The following HIVEP1 variants were observed in gnomAD, a reference collection of about 807,000 sequenced individuals.
HIVEP1 encodes the protein HIVEP zinc finger 1.
Under a neutral mutation model 180.0 loss-of-function variants are expected in HIVEP1, and 36 were observed. The observed-to-expected ratio is 0.20, with a 90% CI of 0.15 to 0.26. The LOEUF is 0.26. Ranked by LOEUF, HIVEP1 falls within the 10% of genes least tolerant of loss-of-function variation. The probability of loss-of-function intolerance (pLI) is 1.00; values close to 1 mark genes in which losing one functional copy is unlikely to be tolerated. For missense variants in HIVEP1, 3,143 were observed against 3,268.7 expected (o/e 0.96, Z 0.94); for synonymous variants, 1,239 against 1,239.0 (o/e 1.00, Z 0.00).
intron 7 of HIVEP1, among the ~76,000 whole-genome samples, chr6:12,160,482 G>A (rs1358223112): frequency 6.6e-6 from 1 of 152,176 alleles, no homozygotes; most frequent in Non-Finnish European, 1.5e-5. Flanking sequence ...TCAACCAAAA[G>A]AAGAAGCTAA....
Position 12,125,269 on chromosome 6 carries a change from A to G in HIVEP1, c.5474A>G (p.Asn1825Ser). Residue 1825 changes from asparagine to serine, a missense_variant, in exon 4 of 9, where the codon AAT (asparagine) becomes AGT (serine). Around this residue, in one of 12 missense-constraint regions of HIVEP1, gnomAD observed 1,357 missense variants for 1,260.5 expected, o/e 1.08. Coordinates refer to ENST00000379388, the MANE Select transcript of HIVEP1 (RefSeq NM_002114.4). ...GTTTTTTCTCAACCTGAAATTAGTA[A>G]TGAGGCTGTTAATTTGACAAATGTT... is the stretch of plus-strand genomic sequence containing the variant. ...KDVFSQPEIS[N>S]EAVNLTNVLP... 4 of 1,614,128 alleles carry G rather than the reference A, an allele frequency of 2.5e-6. No homozygotes were observed. Among genetic ancestry groups the G allele is most frequent in the Non-Finnish European group, 2.5e-6 (3 of 1,180,008 alleles).
chr6:12,161,943 AGTT>A lies in HIVEP1; in HGVS notation c.6978+18_6978+20del. The A allele has an allele frequency of 4.4e-6, 7 of 1,577,936 alleles. No homozygotes were observed. Among genetic ancestry groups the A allele is most frequent in the Non-Finnish European group, 6.0e-6 (7 of 1,160,952 alleles). On this transcript the variant is annotated intron_variant, in intron 8 of 8. Transcript: ENST00000379388. ...GCTATAACACAGGTAAATGATTGGC[AGTT>A]GTTCTTTTATTTCTTTTTTCGTTTT...
intron 2 of HIVEP1, among the ~76,000 whole-genome samples, chr6:12,082,622 C>A (rs975450161): frequency 6.6e-6 from 1 of 152,158 alleles, no homozygotes; most frequent in Admixed American, 6.6e-5. Context: ...TCTGCTCTCT[C>A]TAGATTCATG....
chr6:12,052,911 G>A (rs1204761261), intron 2 of HIVEP1, among the ~76,000 whole-genome samples: 2 of 152,162 alleles, frequency 1.3e-5, no homozygotes, highest in Non-Finnish European at 2.9e-5. Flanking sequence ...GTTAGGAAAT[G>A]CTATCTTTTG....
At chr6:12,022,677 C>T (rs1013439555) in intron 2 of HIVEP1, among the ~76,000 whole-genome samples, 17 of 152,338 alleles carry the variant, frequency 1.1e-4, no homozygotes, top group Middle Eastern at 3.4e-3. Context: ...CAGAGAGCTA[C>T]TACTTTCTGT....
intron 1 of HIVEP1, among the ~76,000 whole-genome samples, chr6:12,013,214 C>A (rs1026977887): frequency 6.6e-6 from 1 of 152,230 alleles, no homozygotes; most frequent in Admixed American, 6.5e-5. Context: ...CCATTCCCCC[C>A]CTCCTCCTGG....
chr6:12,163,655 A>G lies in HIVEP1; in HGVS notation c.7351A>G (p.Thr2451Ala), dbSNP rs759213491. 6.2e-7 allele frequency: 1 copy of G among 1,614,022 alleles called. No individual in the cohort carries two copies. Among genetic ancestry groups the G allele is most frequent in the Non-Finnish European group, 8.5e-7 (1 of 1,180,028 alleles). Residue 2451 changes from threonine to alanine, a missense_variant, in exon 9 of 9, where the codon ACT (threonine) becomes GCT (alanine). Thr to Ala is a moderately conservative substitution (Grantham distance 58, BLOSUM62 0). Coordinates refer to ENST00000379388, the MANE Select transcript of HIVEP1 (RefSeq NM_002114.4). ...GAATACGGTCACAGAAGTGTCTGGCACTACAAACCCTGCTGGAGTGGCTGA... is the reference window on the plus strand; with the variant it reads ...GAATACGGTCACAGAAGTGTCTGGCGCTACAAACCCTGCTGGAGTGGCTGA... ...HRNTVTEVSG[T>A]TNPAGVAELS... is the part of the protein sequence containing the mutation.
intron 2 of HIVEP1, among the ~76,000 whole-genome samples, chr6:12,052,381 A>T (rs1770599494): frequency 6.6e-6 from 1 of 152,250 alleles, no homozygotes; most frequent in South Asian, 2.1e-4. Flanking sequence ...TTTCTTAAAC[A>T]TCATTTAAAA....
At position 12,122,852 on chromosome 6, in the gene HIVEP1, C is replaced by T. The variant is rs374049541; in HGVS notation, c.3057C>T (p.Ser1019=). 68 of 1,613,910 alleles carry T rather than the reference C, an allele frequency of 4.2e-5. No individual in the cohort carries two copies. Among genetic ancestry groups the T allele is most frequent in the African/African-American group, 3.3e-4 (25 of 74,860 alleles). ...TACACTACAGAGTCGCTGGGTCCTC[C>T]GGCATCTGGGAACAGACGCCCCAGA... ...QILHYRVAGS[S]GIWEQTPQIR... is the part of the protein sequence containing the mutation. Residue 1019 remains serine, a synonymous_variant, in exon 4 of 9, where the codon TCC becomes TCT. Coordinates refer to ENST00000379388, the MANE Select transcript of HIVEP1 (RefSeq NM_002114.4).
At chr6:12,163,217 C>T in intron 8 of HIVEP1, 66 bp from the exon 9 acceptor site, 8 of 1,154,762 alleles carry the variant, frequency 6.9e-6, no homozygotes, top group Non-Finnish European at 1.0e-5. Context: ...AGATTTAGCA[C>T]TAGCTTTATA....
Position 12,125,207 on chromosome 6 carries a change from T to C in HIVEP1, c.5412T>C (p.Thr1804=), listed in dbSNP as rs771998137. The C allele has an allele frequency of 1.2e-6, 2 of 1,614,202 alleles. No homozygotes were observed. The highest frequency in any genetic ancestry group is 1.7e-6 in the Non-Finnish European group (2 of 1,180,030). Residue 1804 remains threonine (T), a synonymous_variant, in exon 4 of 9, where the codon ACT becomes ACC. Coordinates refer to ENST00000379388, the MANE Select transcript of HIVEP1 (RefSeq NM_002114.4). ...CTATTTTAGTGAGACAGGTTTGTACTACAGAGCCCCTGGACGGTGTGATGT... is the reference window on the plus strand; with the variant it reads ...CTATTTTAGTGAGACAGGTTTGTACCACAGAGCCCCTGGACGGTGTGATGT... ...KKPILVRQVC[T]TEPLDGVMLE... is the part of the protein sequence containing the mutation.
chr6:12,090,780 G>A (rs1581663165), intron 3 of HIVEP1, among the ~76,000 whole-genome samples: 1 of 129,874 alleles, frequency 7.7e-6, no homozygotes, highest in South Asian at 2.6e-4. Context: ...ATGGTTTAGA[G>A]CTGCTTCTAG....
chr6:12,124,489 A>C lies in HIVEP1; in HGVS notation c.4694A>C (p.Gln1565Pro). 1.9e-6 allele frequency: 3 copies of C among 1,614,214 alleles called. No individual in the cohort carries two copies. The Admixed American group carries it at 5.0e-5, about 27-fold the overall frequency. ...GCTCCCAAATACCAATTGCATTGTC[A>C]GGTTTTCACTTCAGGCCCATCTTGC... is the stretch of plus-strand genomic sequence containing the variant. Reference protein sequence around the residue: ...CFAPKYQLHCQVFTSGPSCSS... With the variant: ...CFAPKYQLHCPVFTSGPSCSS... Residue 1565 changes from glutamine to proline, a missense_variant, in exon 4 of 9, where the codon CAG (glutamine) becomes CCG (proline). Around this residue, in one of 12 missense-constraint regions of HIVEP1, gnomAD observed 1,357 missense variants for 1,260.5 expected, o/e 1.08. Transcript: ENST00000379388.
intron 2 of HIVEP1, among the ~76,000 whole-genome samples, chr6:12,050,845 A>G (rs1420920813): frequency 6.6e-6 from 1 of 151,198 alleles, no homozygotes; most frequent in Non-Finnish European, 1.5e-5. Context: ...ATCTCCACCT[A>G]TTGAAATGTT....
At chr6:12,118,913 GTTTGT>G (rs1331469173) in intron 3 of HIVEP1, among the ~76,000 whole-genome samples, 2 of 152,118 alleles carry the variant, frequency 1.3e-5, no homozygotes. Flanking sequence ...TTGCTGAAAA[GTTTGT>G]TTTAAAAGAA....
chr6:12,204,708 G>C, the HIVEP1 span, among the ~76,000 whole-genome samples: 36 of 152,242 alleles, frequency 2.4e-4, no homozygotes, highest in Admixed American at 5.2e-4. Flanking sequence ...TGCATGTTAA[G>C]TGCTGGAATT....
the HIVEP1 span, among the ~76,000 whole-genome samples, chr6:12,192,449 G>C: frequency 6.6e-6 from 1 of 152,138 alleles, no homozygotes; most frequent in Non-Finnish European, 1.5e-5. Flanking sequence ...GATATGGTTT[G>C]GCTCTGTGTC....
chr6:12,185,786 A>G, the HIVEP1 span, among the ~76,000 whole-genome samples: 2 of 152,248 alleles, frequency 1.3e-5, no homozygotes, highest in Non-Finnish European at 1.5e-5. Flanking sequence ...ATAAGAAACA[A>G]GAATACCAAG....
At chr6:12,175,977 G>T in the HIVEP1 span, among the ~76,000 whole-genome samples, 17 of 152,120 alleles carry the variant, frequency 1.1e-4, no homozygotes, top group Non-Finnish European at 1.9e-4. Flanking sequence ...GTCCAGGCCT[G>T]TCCGGAGACC....
Sources: allele counts gnomAD v4.1 joint callset (sites outside exome capture counted in the v4.1 genomes callset), GRCh38; gene constraint gnomAD v4.1.1; regional missense constraint gnomAD v4.1.1; transcripts MANE v1.5; gene names NCBI Gene and HGNC (gene_info 2026-07-23, HGNC 2026-07-21).